The following PITPNM2 variants were observed in gnomAD, a reference collection of about 807,000 sequenced individuals.
PITPNM2 encodes the protein phosphatidylinositol transfer protein membrane associated 2, also known as membrane-associated phosphatidylinositol transfer protein 2.
PITPNM2 carries 35 observed loss-of-function variants against 132.2 expected under a neutral mutation model. The observed-to-expected ratio is 0.26, with a 90% CI of 0.20 to 0.35. The LOEUF (loss-of-function observed/expected upper bound fraction) is 0.35, where lower values mean the gene tolerates loss of function less well. PITPNM2 is among the 10% of genes least tolerant of loss of function. PITPNM2 has a pLI of 1.00. For synonymous variants in PITPNM2, 738 were observed against 799.2 expected, an observed-to-expected ratio of 0.92 and a Z score of 1.29; for missense variants, 1,332 against 1,912.0, an observed-to-expected ratio of 0.70 and a Z score of 5.66.
intron 3 of PITPNM2, among the ~76,000 whole-genome samples, chr12:123,016,535 T>C (rs2039430504): frequency 6.6e-6 from 1 of 151,914 alleles, no homozygotes; most frequent in African/African-American, 2.4e-5. Context: ...CAGGATGGTC[T>C]TGATCTCTTG....
Position 123,117,439 on chromosome 12 carries a change from G to A in PITPNM2, c.-199-6951C>T, listed in dbSNP as rs931154460. Reference sequence around the variant, plus strand: ...TGCAGTGAAGTGATCATTGGCATGGGATTGAGACCAGAGTTCTGGCTGCTG... The same window carrying A: ...TGCAGTGAAGTGATCATTGGCATGGAATTGAGACCAGAGTTCTGGCTGCTG... On this transcript the variant is annotated intron_variant, in intron 1 of 25. Transcript: ENST00000320201. This position sits in a 1 kb window ranked among gnomAD's most constrained non-coding sequence, Gnocchi z 4.7. 6.6e-6 allele frequency among the ~76,000 whole-genome samples: 1 copy of A among 152,212 alleles called. No homozygotes were observed. Among genetic ancestry groups the A allele is most frequent in the African/African-American group, 2.4e-5 (1 of 41,442 alleles).
intron 2 of PITPNM2, among the ~76,000 whole-genome samples, chr12:123,074,726 C>T (rs554135747): frequency 2.0e-5 from 3 of 152,290 alleles, no homozygotes; most frequent in African/African-American, 7.2e-5. Flanking sequence ...GGGCTGGCGG[C>T]CCTCAGAAGC....
intron 17 of PITPNM2, 66 bp from the exon 18 acceptor site, chr12:122,990,014 G>GTCCT: frequency 8.2e-7 from 1 of 1,223,146 alleles, no homozygotes; most frequent in Non-Finnish European, 1.0e-6. Flanking sequence ...GTCTACCAGG[G>GTCCT]GCCAGGCAGG....
At chr12:123,118,624 G>T (rs971867002) in intron 1 of PITPNM2, among the ~76,000 whole-genome samples, 1 of 152,172 alleles carries the variant, frequency 6.6e-6, no homozygotes. Context: ...ATGTCCACGG[G>T]GCCAGTGTGT....
intron 2 of PITPNM2, among the ~76,000 whole-genome samples, chr12:123,109,635 C>T (rs142247939): frequency 3.3e-5 from 5 of 152,206 alleles, no homozygotes; most frequent in African/African-American, 7.2e-5. Context: ...CCAAAGCCAG[C>T]GAGTAGCCAG....
intron 2 of PITPNM2, among the ~76,000 whole-genome samples, chr12:123,059,941 G>A (rs1488206212): frequency 6.6e-6 from 1 of 152,140 alleles, no homozygotes; most frequent in African/African-American, 2.4e-5. Flanking sequence ...ACCGAATTGT[G>A]CACTTTTAAC....
intron 2 of PITPNM2, among the ~76,000 whole-genome samples, chr12:123,047,269 G>T (rs995426945): frequency 2.6e-5 from 4 of 152,178 alleles, no homozygotes; most frequent in African/African-American, 9.7e-5. Context: ...TTTTCTTTCA[G>T]AATATTTTGT....
chr12:123,026,754 C>T lies in PITPNM2; in HGVS notation c.78+7759G>A, dbSNP rs564256803. Among the ~76,000 whole-genome samples, 20 of 152,338 alleles carry T rather than the reference C, an allele frequency of 1.3e-4. No homozygotes were observed. In the East Asian group the frequency reaches 2.1e-3, roughly 16 times the overall value. On this transcript the variant is annotated intron_variant, in intron 3 of 25. Coordinates refer to ENST00000320201, the MANE Select transcript of PITPNM2 (RefSeq NM_020845.3). ...CAGGCTCACCCAGTAGCATCCTGTGCGGTCTAGGGAGGATGCCTCCTGCCT... is the reference window on the plus strand; with the variant it reads ...CAGGCTCACCCAGTAGCATCCTGTGTGGTCTAGGGAGGATGCCTCCTGCCT...
rs1003421747 is a variant in PITPNM2 at position 122,990,766 on chromosome 12, C to G, written c.2405-57G>C. On this transcript the variant is annotated intron_variant, in intron 16 of 25. Transcript: ENST00000320201. ...AGAGAGGCCCTGCCCAGCCCCGGAG[C>G]AGTGGGGAAGCCAGTGTGCCAGGGT... 2.6e-6 allele frequency: 4 copies of G among 1,522,086 alleles called. No homozygotes were observed. In the African/African-American group the frequency reaches 5.5e-5, roughly 21 times the overall value. The allele number at this position is 1,522,086 out of a possible 1,614,324, so 94.3% of individuals were successfully genotyped here.
chr12:122,995,087 T>TGGCAG, intron 14 of PITPNM2, 108 bp from the exon 15 acceptor site: 1 of 1,267,728 alleles, frequency 7.9e-7, no homozygotes, highest in Non-Finnish European at 1.1e-6. Flanking sequence ...CCCACTGGCT[T>TGGCAG]CAGGACAGCC....
rs1174687650 is a variant in PITPNM2, at chr12:122,984,167, T to TC, written c.*1859_*1860insG. 1 of 152,900 alleles carries TC rather than the reference T, an allele frequency of 6.5e-6. No individual in the cohort carries two copies. Among genetic ancestry groups the TC allele is most frequent in the East Asian group, 1.9e-4 (1 of 5,184 alleles). The allele number at this position is 152,900 out of a possible 1,614,324, so 9.5% of individuals were successfully genotyped here. A position where few individuals can be genotyped will look rare whatever the true frequency, so the allele number is the denominator to read the frequency against. ...GGGGAGTGAGGAGCCGTGGGGGAGC[T>TC]GCCCCCCTGGGGAGAGGCTGAGCCC... On this transcript the variant is annotated 3_prime_UTR_variant, in exon 26 of 26. Coordinates refer to ENST00000320201, the MANE Select transcript of PITPNM2 (RefSeq NM_020845.3).
chr12:122,995,742 C>A, intron 13 of PITPNM2, 82 bp from the exon 14 acceptor site: 2 of 1,456,468 alleles, frequency 1.4e-6, no homozygotes, highest in Non-Finnish European at 9.1e-7. Flanking sequence ...TGCCTCCTCC[C>A]TCCTAACCCC....
rs547026944 is a variant in PITPNM2, at chr12:123,064,232, C to T, written c.-95-29547G>A. Among the ~76,000 whole-genome samples the T allele has an allele frequency of 2.0e-5, 3 of 152,370 alleles. No individual in the cohort carries two copies. In the South Asian group the frequency reaches 6.2e-4, roughly 32 times the overall value. On this transcript the variant is annotated intron_variant, in intron 2 of 25. Transcript: ENST00000320201. The surrounding 1 kb of genome is among the most constrained non-coding windows in gnomAD (Gnocchi z 4.0). ...GGCAGACAGACGCACTCTCCCCACTCCAAATTGGAAAATGGAAACCAAGAG... is the reference window on the plus strand; with the variant it reads ...GGCAGACAGACGCACTCTCCCCACTTCAAATTGGAAAATGGAAACCAAGAG...
rs557665635 is a variant in PITPNM2, at chr12:123,020,385, T to C, written c.79-6343A>G. Among the ~76,000 whole-genome samples the C allele has an allele frequency of 2.0e-5, 3 of 152,170 alleles. No individual in the cohort carries two copies. In the East Asian group the frequency reaches 5.8e-4, roughly 30 times the overall value. ...ATCTGCCCGCCTCCGCCTCCCAAAG[T>C]GCTGGGATTACAGGAGTGAGCCACT... On this transcript the variant is annotated intron_variant, in intron 3 of 25. Coordinates refer to ENST00000320201, the MANE Select transcript of PITPNM2 (RefSeq NM_020845.3).
intron 1 of PITPNM2, among the ~76,000 whole-genome samples, chr12:123,133,534 G>C (rs541135904): frequency 6.6e-6 from 1 of 152,318 alleles, no homozygotes; most frequent in African/African-American, 2.4e-5. Flanking sequence ...CAATGGAAGA[G>C]AGAGAATTTG....
chr12:122,989,562 T>C (rs1002388254), intron 18 of PITPNM2, among the ~76,000 whole-genome samples: 20 of 152,140 alleles, frequency 1.3e-4, no homozygotes, highest in Non-Finnish European at 2.9e-5. Flanking sequence ...CGGAGCTTCC[T>C]TGGTCCTCAT....
In PITPNM2 at chr12:122,986,341, C is replaced by A; in HGVS notation, c.3736G>T (p.Asp1246Tyr). The A allele has an allele frequency of 6.3e-7, 1 of 1,579,614 alleles. No individual in the cohort carries two copies. The change falls in exon 26 of 26, where the codon GAT (aspartate) becomes TAT (tyrosine). Residue 1246 changes from aspartate to tyrosine, a missense_variant. Physicochemically the swap from Asp to Tyr is radical, Grantham distance 160. This residue lies in a region of PITPNM2 where 251 missense variants were observed against 472.0 expected (regional missense o/e 0.53). Transcript: ENST00000320201. ...KLQQQCQFIT[D>Y]GYAAHLAQLK... ...TGCGCCAGGTGGGCCGCGTAGCCAT[C>A]CGTGATGAACTGCGGGGTCAGTGAG...
intron 1 of PITPNM2, among the ~76,000 whole-genome samples, chr12:123,147,984 A>G (rs1593039358): frequency 1.3e-5 from 2 of 152,294 alleles, no homozygotes; most frequent in South Asian, 4.1e-4. Flanking sequence ...GCGGGAAGGC[A>G]AAGTTTGCCT....
chr12:123,107,031 G>A (rs1165655794), intron 2 of PITPNM2, among the ~76,000 whole-genome samples: 1 of 152,194 alleles, frequency 6.6e-6, no homozygotes, highest in East Asian at 1.9e-4. Context: ...CATCCAAGGG[G>A]CTGGAGGTGG....
Sources: allele counts gnomAD v4.1 joint callset (sites outside exome capture counted in the v4.1 genomes callset), GRCh38; gene constraint gnomAD v4.1.1; regional missense constraint gnomAD v4.1.1; non-coding constraint Gnocchi (gnomAD v3.1); transcripts MANE v1.5; gene names NCBI Gene and HGNC (gene_info 2026-07-23, HGNC 2026-07-21).